TTN: variants seen among roughly 807,000 people sequenced by gnomAD.
TTN encodes titin.
TTN carries 1,525 observed loss-of-function variants against 3,223.0 expected under a neutral mutation model. The ratio of observed to expected loss-of-function variants is 0.47; its 90% CI spans 0.45 to 0.49. The LOEUF (loss-of-function observed/expected upper bound fraction) is 0.49. Ranked by LOEUF, TTN falls within the 20% of genes least tolerant of loss-of-function variation. The pLI is 0.00. For synonymous variants in TTN, 14,094 were observed against 15,161.0 expected (o/e 0.93, Z 5.17); for missense variants, 40,786 against 43,424.0 (o/e 0.94, Z 5.40).
Position 178,640,618 on chromosome 2 carries a change from G to T in TTN, c.40646C>A (p.Pro13549Gln). ...KVKKPAVPEP[P>Q]PPKPVEEVEV... ...AACCTCTTCAACAGGTTTTGGAGGTGGTGGTTCTGGTACTTTAAGATAAGA... is the reference window on the plus strand; with the variant it reads ...AACCTCTTCAACAGGTTTTGGAGGTTGTGGTTCTGGTACTTTAAGATAAGA... The change falls in exon 221 of 363, where the codon CCA (proline) becomes CAA (glutamine). Residue 13549 changes from proline (P) to glutamine (Q), a missense_variant. Physicochemically the swap from Pro to Gln is moderately conservative, Grantham distance 76. Coordinates refer to ENST00000589042, the MANE Select transcript of TTN (RefSeq NM_001267550.2). The T allele has an allele frequency of 6.3e-7, 1 of 1,582,960 alleles. No homozygotes were observed. Among genetic ancestry groups the T allele is most frequent in the South Asian group, 1.2e-5 (1 of 86,148 alleles).
At position 178,551,182 on chromosome 2, in the gene TTN, C is replaced by G; in HGVS notation, c.91349G>C (p.Gly30450Ala). 1.2e-6 allele frequency: 2 copies of G among 1,613,590 alleles called. No homozygotes were observed. The highest frequency in any genetic ancestry group is 1.7e-6 in the Non-Finnish European group (2 of 1,179,670). Residue 30450 changes from glycine (G) to alanine (A), a missense_variant, in exon 336 of 363, where the codon GGA becomes GCA. Coordinates refer to ENST00000589042, the MANE Select transcript of TTN (RefSeq NM_001267550.2). ...TLKWNPPLRD[G>A]GSKIVGYSIE... Reference sequence around the variant, plus strand: ...GCTATAGCCCACAATCTTACTGCCTCCATCACGCAATGGTGGGTTCCATTT... The same window carrying G: ...GCTATAGCCCACAATCTTACTGCCTGCATCACGCAATGGTGGGTTCCATTT...
chr2:178,741,271 G>A lies in TTN; in HGVS notation c.11962C>T (p.His3988Tyr), dbSNP rs749409521. The stretch of plus-strand genomic sequence containing the variant: ...AAAGTTCCAGAGCCATTAGGGTTAT[G>A]AATGATAGTGTAATAAACACTGGTG... ...LCTSVYYTII[H>Y]NPNGSGTFIV... Residue 3988 changes from histidine (H) to tyrosine (Y), a missense_variant, in exon 48 of 363, where the codon CAT becomes TAT. Physicochemically the swap from His to Tyr is moderately conservative, Grantham distance 83. Coordinates refer to ENST00000589042, the MANE Select transcript of TTN (RefSeq NM_001267550.2). 33 of 1,613,854 alleles carry A rather than the reference G, an allele frequency of 2.0e-5. No homozygotes were observed. Among genetic ancestry groups the A allele is most frequent in the Non-Finnish European group, 2.7e-5 (32 of 1,179,836 alleles).
chr2:178,790,573 A>G, intron 11 of TTN, 135 bp downstream of exon 11: 4 of 1,428,602 alleles, frequency 2.8e-6, no homozygotes, highest in Non-Finnish European at 2.9e-6. Flanking sequence ...GCTGTGTGGG[A>G]AAAGAAATTT....
chr2:178,566,532 A>T lies in TTN; in HGVS notation c.79600T>A (p.Trp26534Arg). The stretch of plus-strand genomic sequence containing the variant: ...CCAGTCTGTGGAGTAACTATTTGCC[A>T]TTCTTCTTCATCTGCTTTACAGATT... ...VEICKADEEEWQIVTPQTGLR... is the reference protein window; with the variant it reads ...VEICKADEEERQIVTPQTGLR... Residue 26534 changes from tryptophan to arginine, a missense_variant, in exon 326 of 363, where the codon TGG becomes AGG. Transcript: ENST00000589042. 6.2e-7 allele frequency: 1 copy of T among 1,613,428 alleles called. No individual in the cohort carries two copies. The highest frequency in any genetic ancestry group is 8.5e-7 in the Non-Finnish European group (1 of 1,179,694).
chr2:178,573,791 A>T lies in TTN; in HGVS notation c.72341T>A (p.Ile24114Asn). ...ATNPGGFAKHIFNVKVLDRPG... is the reference protein window; with the variant it reads ...ATNPGGFAKHNFNVKVLDRPG... ...TCTGTCAAGAACTTTGACATTGAAA[A>T]TGTGTTTAGCAAAGCCACCAGGATT... The change falls in exon 326 of 363, where the codon ATT becomes AAT. Residue 24114 changes from isoleucine (I) to asparagine (N), a missense_variant. Transcript: ENST00000589042. 2.5e-6 allele frequency: 4 copies of T among 1,610,114 alleles called. No homozygotes were observed. Among genetic ancestry groups the T allele is most frequent in the Non-Finnish European group, 3.4e-6 (4 of 1,177,824 alleles).
rs866303280 is a variant in TTN, at chr2:178,531,615, T to A, written c.105000A>T (p.Glu35000Asp). Residue 35000 changes from glutamate to aspartate, a missense_variant, in exon 358 of 363, where the codon GAA becomes GAT. Glu to Asp is a conservative substitution (Grantham distance 45). Coordinates refer to ENST00000589042, the MANE Select transcript of TTN (RefSeq NM_001267550.2). ...TGTCATCAGTATGACAGTCCAGAAT[T>A]TCCAGGGTGAGGACTCCACTCGTGT... is the stretch of plus-strand genomic sequence containing the variant. ...YTNTSGVLTL[E>D]ILDCHTDDSG... 1.2e-6 allele frequency: 2 copies of A among 1,614,004 alleles called. No homozygotes were observed. Among genetic ancestry groups the A allele is most frequent in the Middle Eastern group, 1.6e-4 (1 of 6,062 alleles).
intron 216 of TTN, among the ~76,000 whole-genome samples, 163 bp downstream of exon 216, chr2:178,646,322 T>C (rs904629828): frequency 6.6e-6 from 1 of 150,656 alleles, no homozygotes; most frequent in Non-Finnish European, 1.5e-5. Flanking sequence ...AGAGAAACAG[T>C]ACAAGTTACA....
In TTN at chr2:178,581,508, C is replaced by T. The variant is rs756359190; in HGVS notation, c.66760G>A (p.Asp22254Asn). 3 of 1,595,892 alleles carry T rather than the reference C, an allele frequency of 1.9e-6. No individual in the cohort carries two copies. Among genetic ancestry groups the T allele is most frequent in the African/African-American group, 1.3e-5 (1 of 74,568 alleles). ...CCCTGGTAATACTTACTTAAGATGT[C>T]CTTGGGATAGTGTTTATCTGGCACA... is the stretch of plus-strand genomic sequence containing the variant. ...SDVPDKHYPK[D>N]ILIPPEGELD... Residue 22254 changes from aspartate (D) to asparagine (N), a missense_variant, in exon 316 of 363, where the codon GAC becomes AAC. By Grantham distance (23) the Asp-to-Asn change is conservative. Transcript: ENST00000589042.
intron 47 of TTN, 109 bp downstream of exon 47, chr2:178,753,015 A>T (rs190644373): frequency 3.6e-6 from 3 of 829,862 alleles, no homozygotes; most frequent in Admixed American, 4.8e-5. Context: ...ATATATTTGT[A>T]TATCTATGTC....
chr2:178,624,351 T>C (rs2058721486), intron 242 of TTN, 114 bp downstream of exon 242: 1 of 1,345,292 alleles, frequency 7.4e-7, no homozygotes, highest in African/African-American at 1.5e-5. Context: ...ATACTAGAAG[T>C]TGCCAAGAAA....
Position 178,532,294 on chromosome 2 carries a change from A to G in TTN, c.104321T>C (p.Leu34774Pro). Residue 34774 changes from leucine to proline, a missense_variant, in exon 358 of 363, where the codon CTT becomes CCT. Leu to Pro is a moderately conservative substitution (Grantham distance 98). Coordinates refer to ENST00000589042, the MANE Select transcript of TTN (RefSeq NM_001267550.2). ...ATGCTGGGTGGTCGTAACTGGGCGA[A>G]GCAACTCTTCATCCTCCCTCTCAGC... ...IMAEREDEELLRPVTTTQHLS... is the reference protein window; with the variant it reads ...IMAEREDEELPRPVTTTQHLS... 1 of 1,613,950 alleles carries G rather than the reference A, an allele frequency of 6.2e-7. No individual in the cohort carries two copies. The highest frequency in any genetic ancestry group is 8.5e-7 in the Non-Finnish European group (1 of 1,179,880).
rs775527437 is a variant in TTN, at chr2:178,562,880, T to C, written c.83252A>G (p.Asn27751Ser). Reference protein sequence around the residue: ...SGRYNLTLENNSGSKTAFVNV... With the variant: ...SGRYNLTLENSSGSKTAFVNV... ...AACAAAAGCTGTTTTGGAGCCACTA[T>C]TATTTTCTAATGTCAGATTATACCG... is the stretch of plus-strand genomic sequence containing the variant. The change falls in exon 326 of 363, where the codon AAT (asparagine) becomes AGT (serine). Residue 27751 changes from asparagine (N) to serine (S), a missense_variant. By Grantham distance (46) the Asn-to-Ser change is conservative (BLOSUM62 1). Coordinates refer to ENST00000589042, the MANE Select transcript of TTN (RefSeq NM_001267550.2). 1.9e-6 allele frequency: 3 copies of C among 1,613,318 alleles called. No homozygotes were observed. The highest frequency in any genetic ancestry group is 2.5e-6 in the Non-Finnish European group (3 of 1,179,636).
At chr2:178,706,433 T>C (rs777907686) in intron 102 of TTN, 21 bp downstream of exon 102, 1 of 1,592,150 alleles carries the variant, frequency 6.3e-7, no homozygotes, top group Non-Finnish European at 8.6e-7. Context: ...TTGTACGATT[T>C]GTGGTTTTTA....
chr2:178,646,067 A>G (rs1312508888), intron 216 of TTN, 37 bp from the exon 217 acceptor site: 8 of 992,478 alleles, frequency 8.1e-6, no homozygotes, highest in Non-Finnish European at 1.1e-5. Flanking sequence ...GTATATGTAT[A>G]TGTTAGCATG....
In TTN at chr2:178,633,830, C is replaced by T. The variant is rs371287021; in HGVS notation, c.42669G>A (p.Gln14223=). 2 of 1,613,206 alleles carry T rather than the reference C, an allele frequency of 1.2e-6. No homozygotes were observed. The highest frequency in any genetic ancestry group is 1.7e-6 in the Non-Finnish European group (2 of 1,179,590). ...AQVKELSSTA[Q]LKVLEADPYF... is the part of the protein sequence containing the mutation. Reference sequence around the variant, plus strand: ...GGTTACATTTACCTAAGACCTTCAGCTGTGCTGTGGAGCTCAGCTCCTTGA... The same window carrying T: ...GGTTACATTTACCTAAGACCTTCAGTTGTGCTGTGGAGCTCAGCTCCTTGA... Residue 14223 remains glutamine (Q), a synonymous_variant, in exon 231 of 363, where the codon CAG becomes CAA. Coordinates refer to ENST00000589042, the MANE Select transcript of TTN (RefSeq NM_001267550.2).
chr2:178,632,890 A>C, intron 234 of TTN, 28 bp downstream of exon 234: 1 of 1,611,664 alleles, frequency 6.2e-7, no homozygotes, highest in South Asian at 1.1e-5. Context: ...GAGAAAATAC[A>C]AAAACGTGGC....
chr2:178,629,819 G>T (rs1007855704), intron 239 of TTN, among the ~76,000 whole-genome samples: 20 of 152,100 alleles, frequency 1.3e-4, no homozygotes, highest in Admixed American at 4.6e-4. Context: ...CAAACACTTT[G>T]CACCTTCCAG....
At position 178,647,373 on chromosome 2, in the gene TTN, C is replaced by G; in HGVS notation, c.40141+8G>C. The stretch of plus-strand genomic sequence containing the variant: ...CATCTTTCCAAGATTTATGGAGAAG[C>G]CGTGTACCTTCAGCAGGTGGAACTT... On this transcript the variant is annotated splice_region_variant and intron_variant, in intron 214 of 362. Transcript: ENST00000589042. The G allele has an allele frequency of 6.5e-7, 1 of 1,549,402 alleles. No individual in the cohort carries two copies. The highest frequency in any genetic ancestry group is 8.7e-7 in the Non-Finnish European group (1 of 1,146,278).
Position 178,537,462 on chromosome 2 carries a change from C to T in TTN, c.99745G>A (p.Glu33249Lys). Residue 33249 changes from glutamate to lysine, a missense_variant, in exon 355 of 363, where the codon GAG (glutamate) becomes AAG (lysine). Physicochemically the swap from Glu to Lys is moderately conservative, Grantham distance 56. Coordinates refer to ENST00000589042, the MANE Select transcript of TTN (RefSeq NM_001267550.2). ...TTCATGACAAGATGAGTATAGTGCT[C>T]AGTGTTTTCAATAGTAATGTTTTCT... Reference protein sequence around the residue: ...NSENITIENTEHYTHLVMKNV... With the variant: ...NSENITIENTKHYTHLVMKNV... 1.2e-6 allele frequency: 2 copies of T among 1,613,340 alleles called. No individual in the cohort carries two copies. The highest frequency in any genetic ancestry group is 4.5e-5 in the East Asian group (2 of 44,822).
Sources: gnomAD v4.1 joint callset for allele counts (sites outside exome capture counted in the v4.1 genomes callset) on GRCh38, gnomAD v4.1.1 for gene constraint, MANE v1.5 for transcripts, NCBI Gene and HGNC (gene_info 2026-07-23, HGNC 2026-07-21) for gene names.